ATRN: variants seen among roughly 807,000 people sequenced by gnomAD.
The protein encoded by ATRN is attractin.
A neutral mutation model predicts 178.7 loss-of-function variants in ATRN; 54 were observed. The observed-to-expected ratio is 0.30, with a 90% CI of 0.24 to 0.38. The LOEUF is 0.38. ATRN is among the 10% of genes least tolerant of loss of function. The pLI, the probability that ATRN is intolerant of heterozygous loss-of-function variation, is 1.00. For synonymous variants in ATRN, 636 were observed against 663.0 expected (o/e 0.96, Z 0.63); for missense variants, 1,443 against 1,815.1 (o/e 0.79, Z 3.73).
chr20:3,493,101 T>A (rs937609400), intron 1 of ATRN, among the ~76,000 whole-genome samples: 2 of 136,346 alleles, frequency 1.5e-5, no homozygotes, highest in Non-Finnish European at 3.1e-5. Context: ...ATAATATATA[T>A]ACATATGTAG....
At chr20:3,476,262 G>A (rs1390739385) in intron 1 of ATRN, among the ~76,000 whole-genome samples, 1 of 152,214 alleles carries the variant, frequency 6.6e-6, no homozygotes, top group Non-Finnish European at 1.5e-5. Flanking sequence ...AAACTTGGAT[G>A]TACTGAATAA....
chr20:3,556,467 G>C (rs2085878204), intron 6 of ATRN, among the ~76,000 whole-genome samples: 1 of 152,172 alleles, frequency 6.6e-6, no homozygotes, highest in African/African-American at 2.4e-5. Context: ...TTGGTCTTTA[G>C]GTGGCCCGAT....
At position 3,649,498 on chromosome 20, in the gene ATRN, G is replaced by A. The variant is rs2087130937; in HGVS notation, c.*2651G>A. ...CAAACCCAAGAAACGCATCCCCATT[G>A]TGTGATGTGTTCAGATGCATCTGGC... On this transcript the variant is annotated 3_prime_UTR_variant, in exon 29 of 29. Coordinates refer to ENST00000262919, the MANE Select transcript of ATRN (RefSeq NM_139321.3). 1 of 152,236 alleles carries A rather than the reference G, an allele frequency of 6.6e-6. No individual in the cohort carries two copies. Among genetic ancestry groups the A allele is most frequent in the South Asian group, 2.1e-4 (1 of 4,830 alleles). The allele number at this position is 152,236 out of a possible 1,614,324, so 9.4% of individuals were successfully genotyped here. A position where few individuals can be genotyped will look rare whatever the true frequency, so the allele number is the denominator to read the frequency against.
At chr20:3,599,501 T>C (rs745813503) in intron 22 of ATRN, among the ~76,000 whole-genome samples, 2 of 152,208 alleles carry the variant, frequency 1.3e-5, no homozygotes, top group Non-Finnish European at 2.9e-5. Context: ...ACAAGCATTT[T>C]AAGTTTATTG....
chr20:3,601,130 C>G (rs2086602342), intron 23 of ATRN, 106 bp downstream of exon 23: 1 of 880,016 alleles, frequency 1.1e-6, no homozygotes. Context: ...GGTTTGAAAC[C>G]CACCCTTGCC....
intron 24 of ATRN, among the ~76,000 whole-genome samples, chr20:3,618,254 C>T (rs1353351360): frequency 6.6e-6 from 1 of 152,084 alleles, no homozygotes; most frequent in Non-Finnish European, 1.5e-5. Context: ...GGCTGATGAC[C>T]AAAATCACCT....
At chr20:3,517,538 A>G (rs1451687443) in intron 1 of ATRN, among the ~76,000 whole-genome samples, 2 of 150,724 alleles carry the variant, frequency 1.3e-5, no homozygotes, top group Admixed American at 6.6e-5. Context: ...TGGGAGGCCA[A>G]GGAGGGTGGA....
chr20:3,628,929 T>TGTCCTCTGACTGGACTCTGC, intron 25 of ATRN: 1 of 985,386 alleles, frequency 1.0e-6, no homozygotes, highest in Non-Finnish European at 1.2e-6. Flanking sequence ...TCTCACTCTG[T>TGTCCTCTGACTGGACTCTGC]GTTCTCTGAC....
rs2086203820 is a variant in ATRN at position 3,575,960 on chromosome 20, T to C, written c.2214+12T>C. 6.2e-7 allele frequency: 1 copy of C among 1,611,284 alleles called. No homozygotes were observed. Among genetic ancestry groups the C allele is most frequent in the Admixed American group, 1.7e-5 (1 of 59,288 alleles). ...GCTCAGAAGGCCAGGTCAGAGGCTG[T>C]TTCTTAAAGATTTCAGAAAAATCCC... On this transcript the variant is annotated intron_variant, in intron 13 of 28. Coordinates refer to ENST00000262919, the MANE Select transcript of ATRN (RefSeq NM_139321.3).
At chr20:3,476,300 A>G (rs914750343) in intron 1 of ATRN, among the ~76,000 whole-genome samples, 21 of 152,224 alleles carry the variant, frequency 1.4e-4, no homozygotes, top group African/African-American at 3.9e-4. Flanking sequence ...AAGTTGTGCA[A>G]AATTGAGATT....
At chr20:3,595,170 TC>T (rs552440270) in intron 20 of ATRN, among the ~76,000 whole-genome samples, 190 of 152,284 alleles carry the variant, frequency 1.2e-3, no homozygotes, top group Non-Finnish European at 2.2e-3. Context: ...AAATCACTGT[TC>T]CCCCCATCTG....
intron 1 of ATRN, among the ~76,000 whole-genome samples, chr20:3,520,732 A>G (rs992463648): frequency 2.6e-5 from 4 of 152,226 alleles, no homozygotes; most frequent in Non-Finnish European, 5.9e-5. Context: ...CCTGGCCTCA[A>G]GTGATCTGCC....
intron 24 of ATRN, among the ~76,000 whole-genome samples, chr20:3,606,123 T>G (rs2086673972): frequency 6.6e-6 from 1 of 152,172 alleles, no homozygotes. Context: ...ACTCCCTGTG[T>G]CCCTCCTCAG....
rs140193658 is a variant in ATRN at position 3,562,211 on chromosome 20, G to C, written c.1448-65G>C. 3 of 1,378,574 alleles carry C rather than the reference G, an allele frequency of 2.2e-6. No individual in the cohort carries two copies. In the East Asian group the frequency reaches 6.9e-5, roughly 32 times the overall value. The allele number at this position is 1,378,574 out of a possible 1,614,324, so 85.4% of individuals were successfully genotyped here. On this transcript the variant is annotated intron_variant, in intron 8 of 28. Transcript: ENST00000262919. The stretch of plus-strand genomic sequence containing the variant: ...TCCATTCTCATGCCCTAAGCTCTTT[G>C]GACATTTTCAGTAGTAGAGAGGAGG...
At chr20:3,576,731 A>ATCTATCTG (rs1329490773) in intron 13 of ATRN, 128 bp from the exon 14 acceptor site, 29 of 733,742 alleles carry the variant, frequency 4.0e-5, no homozygotes, top group East Asian at 3.0e-4. Context: ...CTATCTATCT[A>ATCTATCTG]TCTGTCTATC....
chr20:3,562,515 G>A (rs955229791), intron 9 of ATRN, 56 bp downstream of exon 9: 1 of 1,557,680 alleles, frequency 6.4e-7, no homozygotes, highest in African/African-American at 1.4e-5. Flanking sequence ...AGAGGCAATT[G>A]TGGAGAAAAT....
At chr20:3,546,389 GTTTTTT>G (rs559052230) in intron 4 of ATRN, among the ~76,000 whole-genome samples, 1 of 113,416 alleles carries the variant, frequency 8.8e-6, no homozygotes, top group Non-Finnish European at 1.8e-5. Flanking sequence ...TAGTTCAACT[GTTTTTT>G]TTTTTTTTTT....
At chr20:3,558,782 A>G (rs1171852851) in intron 6 of ATRN, among the ~76,000 whole-genome samples, 3 of 152,120 alleles carry the variant, frequency 2.0e-5, no homozygotes, top group Non-Finnish European at 4.4e-5. Flanking sequence ...AAAACTCAAA[A>G]GTGAGTACTT....
chr20:3,626,368 ACT>A, intron 25 of ATRN, among the ~76,000 whole-genome samples: 1 of 150,936 alleles, frequency 6.6e-6, no homozygotes, highest in Middle Eastern at 3.4e-3. Context: ...TATAATTCCC[ACT>A]CTTTGTATGG....
Sources: gnomAD v4.1 joint callset for allele counts (sites outside exome capture counted in the v4.1 genomes callset) on GRCh38, gnomAD v4.1.1 for gene constraint, MANE v1.5 for transcripts, NCBI Gene and HGNC (gene_info 2026-07-23, HGNC 2026-07-21) for gene names.